The following FOXM1 variants were observed in gnomAD, a reference collection of about 807,000 sequenced individuals.
FOXM1 encodes forkhead box protein M1.
Under a neutral mutation model 63.6 loss-of-function variants are expected in FOXM1, and 25 were observed. That is an observed-to-expected ratio of 0.39 (90% CI 0.29 to 0.55). The LOEUF (loss-of-function observed/expected upper bound fraction) is 0.55, where lower values mean the gene tolerates loss of function less well. FOXM1 is among the 20% of genes least tolerant of loss of function. The pLI is 0.60. For missense variants in FOXM1, 879 were observed against 958.7 expected (o/e 0.92, Z 1.10); for synonymous variants, 387 against 376.9 (o/e 1.03, Z -0.31).
At chr12:2,868,468 A>C in intron 4 of FOXM1, 95 bp downstream of exon 4, 1 of 834,974 alleles carries the variant, frequency 1.2e-6, no homozygotes, top group Non-Finnish European at 1.9e-6. Context: ...TGTCCTTTGC[A>C]CTTAACTGCT....
At chr12:2,873,592 T>A (rs548689782) in intron 2 of FOXM1, among the ~76,000 whole-genome samples, 1 of 151,530 alleles carries the variant, frequency 6.6e-6, no homozygotes, top group East Asian at 2.0e-4. Context: ...TTTTATTTTT[T>A]TTTTTGAGAC....
intron 1 of FOXM1, among the ~76,000 whole-genome samples, chr12:2,875,551 GTA>G (rs1159508768): frequency 6.6e-6 from 1 of 152,120 alleles, no homozygotes; most frequent in East Asian, 1.9e-4. Flanking sequence ...TTTACAATTT[GTA>G]TTGTATTTAT....
chr12:2,858,849 G>A lies in FOXM1; in HGVS notation c.2081C>T (p.Pro694Leu), dbSNP rs771746117. 13 of 1,614,152 alleles carry A rather than the reference G, an allele frequency of 8.1e-6. No individual in the cohort carries two copies. Among genetic ancestry groups the A allele is most frequent in the Non-Finnish European group, 1.0e-5 (12 of 1,180,012 alleles). ...LISVPFGNSS[P>L]SDIDVPKPGS... ...TGGCTTGGGGACGTCTATATCTGAG[G>A]GAGAAGAGTTGCCAAAGGGGACGGA... is the stretch of plus-strand genomic sequence containing the variant. Residue 694 changes from proline (P) to leucine (L), a missense_variant, in exon 9 of 9, where the codon CCC (proline) becomes CTC (leucine). Physicochemically the swap from Pro to Leu is moderately conservative, Grantham distance 98. This residue lies in a region of FOXM1 where 486 missense variants were observed against 453.5 expected (regional missense o/e 1.07). Coordinates refer to ENST00000359843, the MANE Select transcript of FOXM1 (RefSeq NM_021953.4).
rs1057078867 is a variant in FOXM1, at chr12:2,875,759, T to A, written c.-48+1161A>T. On this transcript the variant is annotated intron_variant, in intron 1 of 8. Transcript: ENST00000359843. ...TTTTAAGTCTTTTGTTGATTTTTTT[T>A]AATTTTTTTTTTTTTTTTGAGACGG... Among the ~76,000 whole-genome samples, 9 of 150,544 alleles carry A rather than the reference T, an allele frequency of 6.0e-5. No homozygotes were observed. In the South Asian group the frequency reaches 1.2e-3, roughly 21 times the overall value.
At chr12:2,873,894 T>A in intron 2 of FOXM1, 83 bp downstream of exon 2, 2 of 1,443,676 alleles carry the variant, frequency 1.4e-6, no homozygotes, top group Non-Finnish European at 1.9e-6. Flanking sequence ...CTGACTGTTG[T>A]AAGCATCAAG....
chr12:2,859,320 T>C lies in FOXM1; in HGVS notation c.1610A>G (p.Glu537Gly), dbSNP rs1565461227. ...CCGAGACCGGCTCCTCTCCCTCCTC[T>C]CCCTGTGTTGAATCACAAGCATTTC... ...VSEMLVIQHR[E>G]RRERSRSRRK... The change falls in exon 9 of 9, where the codon GAG becomes GGG. Residue 537 changes from glutamate to glycine, a missense_variant. Glu to Gly is a moderately conservative substitution (Grantham distance 98). This residue lies in a region of FOXM1 where 486 missense variants were observed against 453.5 expected (regional missense o/e 1.07). Transcript: ENST00000359843. 1 of 1,613,426 alleles carries C rather than the reference T, an allele frequency of 6.2e-7. No individual in the cohort carries two copies.
In FOXM1 at chr12:2,872,075, G is replaced by C; in HGVS notation, c.654+21C>G. The C allele has an allele frequency of 6.2e-7, 1 of 1,613,538 alleles. No individual in the cohort carries two copies. On this transcript the variant is annotated intron_variant, in intron 3 of 8. Transcript: ENST00000359843. This position sits in a 1 kb window ranked among gnomAD's most constrained non-coding sequence, Gnocchi z 4.0. ...CCCTACACTGGATCTGATTTCTTTAGTGAGGGACGGAACAATTCACCTTAA... is the reference window on the plus strand; with the variant it reads ...CCCTACACTGGATCTGATTTCTTTACTGAGGGACGGAACAATTCACCTTAA...
intron 8 of FOXM1, among the ~76,000 whole-genome samples, chr12:2,862,554 A>C (rs1325877064): frequency 6.6e-6 from 1 of 152,202 alleles, no homozygotes; most frequent in African/African-American, 2.4e-5. Context: ...TTTTAGAGAC[A>C]GGGTCTCATT....
chr12:2,862,094 G>A (rs907144255), intron 8 of FOXM1, among the ~76,000 whole-genome samples: 2 of 151,384 alleles, frequency 1.3e-5, no homozygotes, highest in African/African-American at 4.9e-5. Context: ...CAGGAGAATC[G>A]CTTGAACCCA....
intron 8 of FOXM1, among the ~76,000 whole-genome samples, chr12:2,863,119 G>C (rs2098116914): frequency 6.6e-6 from 1 of 152,118 alleles, no homozygotes; most frequent in Admixed American, 6.6e-5. Context: ...GCAATGTCTG[G>C]AGGCATTTGG....
rs57306758 is a variant in FOXM1 at position 2,860,864 on chromosome 12, C to CAAAAA, written c.1267-1206_1267-1202dup. Among the ~76,000 whole-genome samples, 316 of 110,458 alleles carry CAAAAA rather than the reference C, an allele frequency of 2.9e-3. 4 individuals carry two copies. The highest frequency in any genetic ancestry group is 0.01 in the African/African-American group (307 of 30,174). 72.5% of individuals were successfully genotyped at this position (110,458 alleles called of 152,430 possible). A position where few individuals can be genotyped will look rare whatever the true frequency, so the allele number is the denominator to read the frequency against. ...TGGGTGACATAGCAAGACTCCATCT[C>CAAAAA]AAAAAAAAAAAAAACTCTCACAGGC... On this transcript the variant is annotated intron_variant, in intron 8 of 8. Transcript: ENST00000359843.
In FOXM1 at chr12:2,872,480, A is replaced by G. The variant is rs773865500; in HGVS notation, c.503-233T>C. Among the ~76,000 whole-genome samples, 6 of 152,118 alleles carry G rather than the reference A, an allele frequency of 3.9e-5. No homozygotes were observed. Among genetic ancestry groups the G allele is most frequent in the Non-Finnish European group, 8.8e-5 (6 of 68,012 alleles). The stretch of plus-strand genomic sequence containing the variant: ...CAAAATTAGCTGGGTGTGGTGGCAC[A>G]CGCCTGTAGTCCCAGCTACTCAGGA... On this transcript the variant is annotated intron_variant, in intron 2 of 8. Transcript: ENST00000359843. This position sits in a 1 kb window ranked among gnomAD's most constrained non-coding sequence, Gnocchi z 4.0.
At chr12:2,862,088 A>T (rs1045632842) in intron 8 of FOXM1, among the ~76,000 whole-genome samples, 11 of 151,778 alleles carry the variant, frequency 7.2e-5, no homozygotes, top group African/African-American at 2.7e-4. Flanking sequence ...CCGAGGCAGG[A>T]GAATCGCTTG....
At chr12:2,861,389 A>G (rs778455728) in intron 8 of FOXM1, 1 of 675,602 alleles carries the variant, frequency 1.5e-6, no homozygotes, top group South Asian at 1.8e-5. Flanking sequence ...TCATGTAACC[A>G]AACACCACCT....
intron 8 of FOXM1, among the ~76,000 whole-genome samples, chr12:2,860,486 C>T (rs895490611): frequency 6.6e-6 from 1 of 151,880 alleles, no homozygotes; most frequent in Non-Finnish European, 1.5e-5. Context: ...GATCCTGTCT[C>T]AGAAAAGAAA....
intron 1 of FOXM1, among the ~76,000 whole-genome samples, chr12:2,875,740 G>T (rs2098141640): frequency 2.8e-5 from 4 of 142,840 alleles, no homozygotes; most frequent in East Asian, 2.0e-4. Context: ...TTTTTTTTAA[G>T]TCTTTTGTTG....
chr12:2,868,847 C>T (rs1346894529), intron 3 of FOXM1, 93 bp from the exon 4 acceptor site: 1 of 973,888 alleles, frequency 1.0e-6, no homozygotes, highest in Non-Finnish European at 1.5e-6. Context: ...AACCTTTATC[C>T]CATAGGACGG....
In FOXM1 at chr12:2,859,107, A is replaced by G; in HGVS notation, c.1823T>C (p.Ile608Thr). ...GACAGATTTGCTCGGGGTGGAGGAG[A>G]TGGGCAGCGTTTCCTTAATGGGTGT... ...FKTPIKETLP[I>T]SSTPSKSVLP... Residue 608 changes from isoleucine to threonine, a missense_variant, in exon 9 of 9, where the codon ATC (isoleucine) becomes ACC (threonine). Physicochemically the swap from Ile to Thr is moderately conservative, Grantham distance 89. This residue lies in a region of FOXM1 where 486 missense variants were observed against 453.5 expected (regional missense o/e 1.07). Transcript: ENST00000359843. 1 of 1,605,594 alleles carries G rather than the reference A, an allele frequency of 6.2e-7. No individual in the cohort carries two copies. The highest frequency in any genetic ancestry group is 8.5e-7 in the Non-Finnish European group (1 of 1,176,878).
Position 2,865,375 on chromosome 12 carries a change from ATT to A in FOXM1, c.998_999del (p.Gln333LeufsTer81), listed in dbSNP as rs1335134950. 19 of 1,611,090 alleles carry A rather than the reference ATT, an allele frequency of 1.2e-5. No homozygotes were observed. Among genetic ancestry groups the A allele is most frequent in the Non-Finnish European group, 1.6e-5 (19 of 1,178,306 alleles). On this transcript the variant is annotated frameshift_variant, in exon 6 of 9. Coordinates refer to ENST00000359843, the MANE Select transcript of FOXM1 (RefSeq NM_021953.4). LOFTEE classifies it high-confidence loss of function. ...CTTACTGATTCCAAGTGCTCGGGCA[ATT>A]GTGGAGACCCTGGGTCCAGTGGCTG... is the stretch of plus-strand genomic sequence containing the variant. ...VFKPLDPGSP[Q>X]LPEHLESQQK...
Sources: gnomAD v4.1 joint callset for allele counts (sites outside exome capture counted in the v4.1 genomes callset) on GRCh38, gnomAD v4.1.1 for gene constraint, gnomAD v4.1.1 regional missense constraint, Gnocchi (gnomAD v3.1) non-coding constraint, MANE v1.5 for transcripts, NCBI Gene and HGNC (gene_info 2026-07-23, HGNC 2026-07-21) for gene names.